Variants in TULP4 observed in about 807,000 individuals in gnomAD.
The protein encoded by TULP4 is tubby-related protein 4.
A neutral mutation model predicts 129.0 loss-of-function variants in TULP4; 16 were observed. The observed-to-expected ratio is 0.12, with a 90% CI of 0.08 to 0.19. The LOEUF (loss-of-function observed/expected upper bound fraction) is 0.19. TULP4 is among the 10% of genes least tolerant of loss of function. TULP4 has a pLI of 1.00. For missense variants in TULP4, 1,842 were observed against 2,059.1 expected (o/e 0.89, Z 2.04); for synonymous variants, 998 against 854.0 (o/e 1.17, Z -2.94).
chr6:158,323,859 G>A (rs992410424), intron 1 of TULP4, among the ~76,000 whole-genome samples: 7 of 152,106 alleles, frequency 4.6e-5, no homozygotes, highest in African/African-American at 9.7e-5. Context: ...GCAGCTTTAG[G>A]TGAAACAACA....
Position 158,511,780 on chromosome 6 carries a change from T to A in TULP4, c.*5086T>A, listed in dbSNP as rs532015849. 1 of 152,326 alleles carries A rather than the reference T, an allele frequency of 6.6e-6. No individual in the cohort carries two copies. The highest frequency in any genetic ancestry group is 6.5e-5 in the Admixed American group (1 of 15,298). 9.4% of individuals were successfully genotyped at this position (152,326 alleles called of 1,614,324 possible). A position where few individuals can be genotyped will look rare whatever the true frequency, so the allele number is the denominator to read the frequency against. Reference sequence around the variant, plus strand: ...TATTTTTTTCTTGATGATTTGAAGTTGTAAGAGTTGTCCAGCTATTGCTTA... The same window carrying A: ...TATTTTTTTCTTGATGATTTGAAGTAGTAAGAGTTGTCCAGCTATTGCTTA... On this transcript the variant is annotated 3_prime_UTR_variant, in exon 14 of 14. Coordinates refer to ENST00000367097, the MANE Select transcript of TULP4 (RefSeq NM_020245.5).
intron 1 of TULP4, among the ~76,000 whole-genome samples, chr6:158,346,816 T>TTAA (rs1780324202): frequency 6.6e-6 from 1 of 151,804 alleles, no homozygotes; most frequent in Admixed American, 6.6e-5. Context: ...TCCTCATGAC[T>TTAA]TGATGATGAT....
At chr6:158,279,040 C>T (rs947394740), upstream of TULP4, among the ~76,000 whole-genome samples, 15 of 148,720 alleles carry the variant, frequency 1.0e-4, no homozygotes, top group African/African-American at 1.5e-4. Flanking sequence ...CCTGGGTTCA[C>T]GCCATTCTCC....
chr6:158,387,920 A>G (rs905713017), intron 1 of TULP4, among the ~76,000 whole-genome samples: 3 of 152,194 alleles, frequency 2.0e-5, no homozygotes, highest in African/African-American at 4.8e-5. Context: ...CTTGCCTTCA[A>G]TGAGTCTTTG....
At position 158,363,523 on chromosome 6, in the gene TULP4, G is replaced by A. The variant is rs111516869; in HGVS notation, c.252+49255G>A. Among the ~76,000 whole-genome samples the A allele has an allele frequency of 6.5e-3, 993 of 152,156 alleles. 13 individuals are homozygous for A. The highest frequency in any genetic ancestry group is 0.022 in the African/African-American group (923 of 41,500). ...TTTTGAGGCGGAGTCTCACTGTGTC[G>A]CCCAGGCTGGAGTGCAGTGGCACGA... On this transcript the variant is annotated intron_variant, in intron 1 of 13. Coordinates refer to ENST00000367097, the MANE Select transcript of TULP4 (RefSeq NM_020245.5).
chr6:158,314,299 C>A, intron 1 of TULP4, 31 bp downstream of exon 1: 2 of 1,605,808 alleles, frequency 1.2e-6, no homozygotes, highest in South Asian at 2.2e-5. Context: ...ACTTTTTGGT[C>A]ACTTCCAGTG....
intron 1 of TULP4, chr6:158,237,963 G>C (rs1396193197): frequency 1.4e-6 from 1 of 728,202 alleles, no homozygotes. Flanking sequence ...GCCCATATTT[G>C]AGCTTGAAGT....
At chr6:158,261,450 T>C (rs1778350721) in intron 1 of TULP4, among the ~76,000 whole-genome samples, 1 of 152,172 alleles carries the variant, frequency 6.6e-6, no homozygotes, top group Non-Finnish European at 1.5e-5. Context: ...GACTGTAGGA[T>C]ATTCCCCGCA....
At chr6:158,303,146 C>T (rs1562511681) in intron 1 of TULP4, among the ~76,000 whole-genome samples, 4 of 150,774 alleles carry the variant, frequency 2.7e-5, no homozygotes, top group African/African-American at 7.3e-5. Context: ...ACTGTCAGAG[C>T]CCATCCTAGG....
intron 1 of TULP4, among the ~76,000 whole-genome samples, chr6:158,342,947 A>ATGTGTG (rs5881254): frequency 0.012 from 1,757 of 147,578 alleles, 37 homozygotes; most frequent in African/African-American, 0.034. Context: ...TTAAAAATAA[A>ATGTGTG]TGTGTGTGTG....
Position 158,241,603 on chromosome 6 carries a change from T to C in TULP4, n.68+9300T>C, listed in dbSNP as rs570159816. Among the ~76,000 whole-genome samples the C allele has an allele frequency of 2.1e-5, 3 of 140,994 alleles. No homozygotes were observed. In the South Asian group the frequency reaches 6.5e-4, roughly 31 times the overall value. 92.5% of individuals were successfully genotyped at this position (140,994 alleles called of 152,430 possible). A position where few individuals can be genotyped will look rare whatever the true frequency, so the allele number is the denominator to read the frequency against. Reference sequence around the variant, plus strand: ...CCAAAACCAGTCAGGCGTGAAATTGTTTTTTTTTTGAGATGGTGTCTCGCT... The same window carrying C: ...CCAAAACCAGTCAGGCGTGAAATTGCTTTTTTTTTGAGATGGTGTCTCGCT... On this transcript the variant is annotated intron_variant and non_coding_transcript_variant, in intron 1 of 1. Transcript: ENST00000620026.
At chr6:158,266,524 G>A (rs1778449628) in intron 1 of TULP4, among the ~76,000 whole-genome samples, 1 of 152,102 alleles carries the variant, frequency 6.6e-6, no homozygotes, top group Non-Finnish European at 1.5e-5. Context: ...CCAAAATGCT[G>A]GGATTATAGG....
intron 1 of TULP4, among the ~76,000 whole-genome samples, chr6:158,315,064 A>T (rs1291568599): frequency 6.6e-6 from 1 of 152,222 alleles, no homozygotes; most frequent in Non-Finnish European, 1.5e-5. Context: ...GGGTATTTTT[A>T]AAATGAGGAA....
Position 158,508,821 on chromosome 6 carries a change from C to T in TULP4, c.*2127C>T, listed in dbSNP as rs1256297482. On this transcript the variant is annotated 3_prime_UTR_variant, in exon 14 of 14. Coordinates refer to ENST00000367097, the MANE Select transcript of TULP4 (RefSeq NM_020245.5). ...TTTAGAAAAATAGTATCTTTGTTAACGACTTACATGGTCACAGTATATTTT... is the reference window on the plus strand; with the variant it reads ...TTTAGAAAAATAGTATCTTTGTTAATGACTTACATGGTCACAGTATATTTT... The T allele has an allele frequency of 6.8e-6, 1 of 146,710 alleles. No homozygotes were observed. Among genetic ancestry groups the T allele is most frequent in the Non-Finnish European group, 1.5e-5 (1 of 67,052 alleles). The allele number at this position is 146,710 out of a possible 1,614,324, so 9.1% of individuals were successfully genotyped here. A position where few individuals can be genotyped will look rare whatever the true frequency, so the allele number is the denominator to read the frequency against.
chr6:158,308,154 C>T (rs1379535516), upstream of TULP4, among the ~76,000 whole-genome samples: 1 of 47,240 alleles, frequency 2.1e-5, no homozygotes, highest in African/African-American at 5.4e-5. Context: ...TGCGGCCTTC[C>T]GCAGTGTTTG....
rs745404947 is a variant in TULP4, at chr6:158,503,150, G to A, written c.3487G>A (p.Val1163Met). 2.9e-5 allele frequency: 47 copies of A among 1,613,368 alleles called. No homozygotes were observed. The highest frequency in any genetic ancestry group is 3.6e-5 in the Non-Finnish European group (42 of 1,179,588). Reference protein sequence around the residue: ...LMLSQGQHLDVSRLPFISPKS... With the variant: ...LMLSQGQHLDMSRLPFISPKS... Reference sequence around the variant, plus strand: ...GCTGAGTCAGGGCCAGCACCTGGACGTGTCCCGACTGCCCTTCATCTCCCC... The same window carrying A: ...GCTGAGTCAGGGCCAGCACCTGGACATGTCCCGACTGCCCTTCATCTCCCC... The change falls in exon 13 of 14, where the codon GTG becomes ATG. Residue 1163 changes from valine (V) to methionine (M), a missense_variant. Val to Met is a conservative substitution (Grantham distance 21). Around this residue, in one of 5 missense-constraint regions of TULP4, gnomAD observed 1,089 missense variants for 987.1 expected, o/e 1.10. Coordinates refer to ENST00000367097, the MANE Select transcript of TULP4 (RefSeq NM_020245.5). This position sits in a 1 kb window ranked among gnomAD's most constrained non-coding sequence, Gnocchi z 4.3.
intron 1 of TULP4, among the ~76,000 whole-genome samples, chr6:158,324,286 T>C (rs190499821): frequency 2.6e-5 from 4 of 152,332 alleles, no homozygotes; most frequent in African/African-American, 7.2e-5. Context: ...ACTATAGCCA[T>C]AATTAACGTC....
chr6:158,410,122 G>A (rs1260002343), intron 1 of TULP4, among the ~76,000 whole-genome samples: 2 of 152,182 alleles, frequency 1.3e-5, no homozygotes, highest in South Asian at 2.1e-4. Context: ...CCAAAGTGCT[G>A]GGATTACAGG....
intron 11 of TULP4, among the ~76,000 whole-genome samples, chr6:158,497,273 T>C (rs1054571366): frequency 1.4e-4 from 22 of 152,244 alleles, no homozygotes; most frequent in African/African-American, 5.1e-4. Context: ...AGAAGGTATG[T>C]TATATGTGGT....
Sources: gnomAD v4.1 joint callset for allele counts (sites outside exome capture counted in the v4.1 genomes callset) on GRCh38, gnomAD v4.1.1 for gene constraint, gnomAD v4.1.1 regional missense constraint, Gnocchi (gnomAD v3.1) non-coding constraint, MANE v1.5 for transcripts, NCBI Gene and HGNC (gene_info 2026-07-23, HGNC 2026-07-21) for gene names.